The following CYP51A1 variants were observed in gnomAD, a reference collection of about 807,000 sequenced individuals.
The protein encoded by CYP51A1 is cytochrome P450 family 51 subfamily A member 1.
Under a neutral mutation model 53.5 loss-of-function variants are expected in CYP51A1, and 45 were observed. The ratio of observed to expected loss-of-function variants is 0.84; its 90% CI spans 0.66 to 1.08. The LOEUF (loss-of-function observed/expected upper bound fraction) is 1.08, where lower values mean the gene tolerates loss of function less well. Among genes scored for constraint, CYP51A1 ranks in the 50% least tolerant of loss-of-function variants. The pLI, the probability that CYP51A1 is intolerant of heterozygous loss-of-function variation, is 0.00. For missense variants in CYP51A1, 462 were observed against 621.7 expected (o/e 0.74, Z 2.73); for synonymous variants, 181 against 217.7 (o/e 0.83, Z 1.48).
chr7:92,115,827 T>C (rs73407544), intron 9 of CYP51A1, among the ~76,000 whole-genome samples: 5,384 of 152,310 alleles, frequency 0.035, 276 homozygotes, highest in African/African-American at 0.12. Context: ...TGTCCAAACA[T>C]AGAATGAGCC....
chr7:92,114,726 C>T (rs1208365856), intron 9 of CYP51A1, among the ~76,000 whole-genome samples: 1 of 152,174 alleles, frequency 6.6e-6, no homozygotes, highest in East Asian at 1.9e-4. Flanking sequence ...CTTCATGACT[C>T]AGGGGCTAAG....
chr7:92,116,600 G>A (rs1819582865), intron 9 of CYP51A1, among the ~76,000 whole-genome samples: 2 of 152,160 alleles, frequency 1.3e-5, no homozygotes, highest in African/African-American at 4.8e-5. Flanking sequence ...TTTCTCATAC[G>A]GATATTCAGA....
chr7:92,134,645 CG>C, upstream of CYP51A1: 1 of 421,292 alleles, frequency 2.4e-6, no homozygotes, highest in Non-Finnish European at 4.2e-6. Context: ...CACAGTGGTA[CG>C]GGGCCGGAAG....
chr7:92,118,793 G>A (rs919110291), intron 7 of CYP51A1, among the ~76,000 whole-genome samples, 178 bp from the exon 8 acceptor site: 3 of 152,022 alleles, frequency 2.0e-5, no homozygotes, highest in Non-Finnish European at 4.4e-5. Context: ...GAAAAAGGAG[G>A]GCAAGGTAAC....
chr7:92,134,684 C>A (rs1820010360), upstream of CYP51A1: 2 of 318,772 alleles, frequency 6.3e-6, no homozygotes, highest in African/African-American at 2.1e-5. Flanking sequence ...GCGATCAATC[C>A]CTGAGAATCG....
intron 7 of CYP51A1, 66 bp downstream of exon 7, chr7:92,123,053 CT>C: frequency 7.9e-7 from 1 of 1,267,166 alleles, no homozygotes. Flanking sequence ...CAAATTGTCC[CT>C]TTTAAAAATT....
intron 1 of CYP51A1, among the ~76,000 whole-genome samples, chr7:92,132,148 G>C (rs1271135166): frequency 6.6e-6 from 1 of 152,160 alleles, no homozygotes; most frequent in Non-Finnish European, 1.5e-5. Flanking sequence ...GATGGACACT[G>C]TCCAGAATAT....
At position 92,134,445 on chromosome 7, in the gene CYP51A1, G is replaced by A; in HGVS notation, c.-81C>T. On this transcript the variant is annotated 5_prime_UTR_variant, in exon 1 of 10. In the 5' UTR this introduces an upstream ATG that the reference lacks. Transcript: ENST00000003100. ...GAACGAGAGAAGCTGGCAGATGGTC[G>A]TCCACAGGGGGCCTTGCCCCAGGTC... The A allele has an allele frequency of 7.1e-7, 1 of 1,405,474 alleles. No individual in the cohort carries two copies. The highest frequency in any genetic ancestry group is 2.6e-5 in the Admixed American group (1 of 38,788). 87.1% of individuals were successfully genotyped at this position (1,405,474 alleles called of 1,614,324 possible).
In CYP51A1 at chr7:92,131,882, A is replaced by C. The variant is rs2130958178; in HGVS notation, c.193-10T>G. ...TGTATGGAGGACTTTTCTACAAGAG[A>C]AAAAAATAGTAAATTCAATTCGTGT... On this transcript the variant is annotated splice_polypyrimidine_tract_variant and intron_variant, in intron 1 of 9. Transcript: ENST00000003100. The C allele has an allele frequency of 6.9e-7, 1 of 1,452,450 alleles. No homozygotes were observed. Among genetic ancestry groups the C allele is most frequent in the African/African-American group, 1.4e-5 (1 of 71,670 alleles). 90.0% of individuals were successfully genotyped at this position (1,452,450 alleles called of 1,614,324 possible). A position where few individuals can be genotyped will look rare whatever the true frequency, so the allele number is the denominator to read the frequency against.
rs1819740464 is a variant in CYP51A1, at chr7:92,123,783, G to C, written c.841C>G (p.Gln281Glu). 1.2e-6 allele frequency: 2 copies of C among 1,608,916 alleles called. No homozygotes were observed. Among genetic ancestry groups the C allele is most frequent in the Non-Finnish European group, 1.7e-6 (2 of 1,177,606 alleles). ...TGGAGAATGTCATCAATTTTTTCTT[G>C]AGACTGTCTGCGTTTCTGGATTGCC... is the stretch of plus-strand genomic sequence containing the variant. Reference protein sequence around the residue: ...YKAIQKRRQSQEKIDDILQTL... With the variant: ...YKAIQKRRQSEEKIDDILQTL... The change falls in exon 6 of 10, where the codon CAA (glutamine) becomes GAA (glutamate). Residue 281 changes from glutamine (Q) to glutamate (E), a missense_variant. Physicochemically the swap from Gln to Glu is conservative, Grantham distance 29 (BLOSUM62 2). Transcript: ENST00000003100.
Position 92,113,585 on chromosome 7 carries a change from T to G in CYP51A1, c.*80A>C. On this transcript the variant is annotated 3_prime_UTR_variant, in exon 10 of 10. Coordinates refer to ENST00000003100, the MANE Select transcript of CYP51A1 (RefSeq NM_000786.4). ...TAAAAAAACAGTAAACTACAAGAGT[T>G]GTTTTGTACACTTCATTCTCTTCGA... The G allele has an allele frequency of 7.6e-7, 1 of 1,314,568 alleles. No individual in the cohort carries two copies. 81.4% of individuals were successfully genotyped at this position (1,314,568 alleles called of 1,614,324 possible).
chr7:92,129,206 C>A, intron 2 of CYP51A1, 150 bp from the exon 3 acceptor site: 1 of 491,696 alleles, frequency 2.0e-6, no homozygotes, highest in Non-Finnish European at 3.6e-6. Context: ...CATACTCCTC[C>A]TTCCTTTGTC....
Position 92,113,644 on chromosome 7 carries a change from A to G in CYP51A1, c.*21T>C. 6.2e-7 allele frequency: 1 copy of G among 1,608,792 alleles called. No individual in the cohort carries two copies. ...GTGGCTTACAGTGATAATCACATAT[A>G]TTCGTTCCTTGCAACCTTTTTCATT... On this transcript the variant is annotated 3_prime_UTR_variant, in exon 10 of 10. Coordinates refer to ENST00000003100, the MANE Select transcript of CYP51A1 (RefSeq NM_000786.4).
chr7:92,123,180 T>A lies in CYP51A1; in HGVS notation c.1026A>T (p.Lys342Asn), dbSNP rs1819724320. ...AGACTGTTTTCTGTTCTAAATAACA[T>A]TTTTTTTGAAGTGTTTTGTCTCTGG... ...FLARDKTLQK[K>N]CYLEQKTVCG... Residue 342 changes from lysine to asparagine, a missense_variant, in exon 7 of 10, where the codon AAA becomes AAT. By Grantham distance (94) the Lys-to-Asn change is moderately conservative (BLOSUM62 0). Coordinates refer to ENST00000003100, the MANE Select transcript of CYP51A1 (RefSeq NM_000786.4). 3 of 1,608,872 alleles carry A rather than the reference T, an allele frequency of 1.9e-6. No homozygotes were observed. The highest frequency in any genetic ancestry group is 1.7e-6 in the Non-Finnish European group (2 of 1,176,244).
intron 5 of CYP51A1, among the ~76,000 whole-genome samples, chr7:92,124,919 G>A (rs1273343839): frequency 1.3e-5 from 2 of 152,086 alleles, no homozygotes; most frequent in Admixed American, 6.5e-5. Context: ...CGAGGCGGGC[G>A]GATCACAAGG....
upstream of CYP51A1, chr7:92,134,794 C>T: frequency 5.8e-6 from 1 of 171,858 alleles, no homozygotes; most frequent in East Asian, 1.6e-4. Flanking sequence ...GCGGCGACGG[C>T]GCGCTCTGTG....
At chr7:92,119,035 A>T (rs1457630638) in intron 7 of CYP51A1, among the ~76,000 whole-genome samples, 1 of 152,160 alleles carries the variant, frequency 6.6e-6, no homozygotes, top group Non-Finnish European at 1.5e-5. Context: ...CCTCTCCCCA[A>T]ATCCATGGTA....
rs767749287 is a variant in CYP51A1 at position 92,131,873 on chromosome 7, C to G, written c.193-1G>C. The G allele has an allele frequency of 5.2e-6, 8 of 1,537,456 alleles. No homozygotes were observed. The Admixed American group carries it at 1.0e-4, about 19-fold the overall frequency. ...GGGAGAAAATGTATGGAGGACTTTT[C>G]TACAAGAGAAAAAAATAGTAAATTC... On this transcript the variant is annotated splice_acceptor_variant, in intron 1 of 9. Coordinates refer to ENST00000003100, the MANE Select transcript of CYP51A1 (RefSeq NM_000786.4). LOFTEE classifies it high-confidence loss of function.
In CYP51A1 at chr7:92,112,850, AAG is replaced by A. The variant is rs1819466228; in HGVS notation, c.*813_*814del. On this transcript the variant is annotated 3_prime_UTR_variant, in exon 10 of 10. Transcript: ENST00000003100. ...TCTCAAAAAAAAAAAAAAAAAAAGG[AAG>A]CAGGGAACAACTGAGCCAAAACAAA... The A allele has an allele frequency of 6.6e-6, 1 of 150,418 alleles. No individual in the cohort carries two copies. The highest frequency in any genetic ancestry group is 2.5e-5 in the African/African-American group (1 of 40,130). 9.3% of individuals were successfully genotyped at this position (150,418 alleles called of 1,614,324 possible). A position where few individuals can be genotyped will look rare whatever the true frequency, so the allele number is the denominator to read the frequency against.
Sources: gnomAD v4.1 joint callset for allele counts (sites outside exome capture counted in the v4.1 genomes callset) on GRCh38, gnomAD v4.1.1 for gene constraint, MANE v1.5 for transcripts, NCBI Gene and HGNC (gene_info 2026-07-23, HGNC 2026-07-21) for gene names.